CFAP54: variants seen among roughly 807,000 people sequenced by gnomAD.
CFAP54 encodes cilia and flagella associated protein 54, also known as cilia- and flagella-associated protein 54.
A neutral mutation model predicts 370.4 loss-of-function variants in CFAP54; 290 were observed. The ratio of observed to expected loss-of-function variants is 0.78; its 90% CI spans 0.71 to 0.86. The LOEUF is 0.86. CFAP54 is among the 40% of genes least tolerant of loss of function. CFAP54 has a pLI of 0.00. For synonymous variants in CFAP54, 1,206 were observed against 1,236.5 expected (o/e 0.98, Z 0.52); for missense variants, 3,399 against 3,528.7 (o/e 0.96, Z 0.93).
At position 96,589,701 on chromosome 12, in the gene CFAP54, G is replaced by T. The variant is rs571727793; in HGVS notation, c.3212+138G>T. 12 of 612,004 alleles carry T rather than the reference G, an allele frequency of 2.0e-5. No homozygotes were observed. The South Asian group carries it at 2.3e-4, about 12-fold the overall frequency. 37.9% of individuals were successfully genotyped at this position (612,004 alleles called of 1,614,324 possible). ...TCATTTCTAATAACTATTGTAATAA[G>T]AGTATGCATTGCAAGGTCTCATGTG... On this transcript the variant is annotated intron_variant, in intron 23 of 67. Transcript: ENST00000524981.
At chr12:96,510,065 C>G (rs1460735202) in intron 4 of CFAP54, among the ~76,000 whole-genome samples, 1 of 151,322 alleles carries the variant, frequency 6.6e-6, no homozygotes, top group Non-Finnish European at 1.5e-5. Flanking sequence ...CCAGCCTGGC[C>G]AACGTAGTGA....
At chr12:96,765,991 T>C (rs1252980428) in intron 60 of CFAP54, among the ~76,000 whole-genome samples, 1 of 152,210 alleles carries the variant, frequency 6.6e-6, no homozygotes, top group Non-Finnish European at 1.5e-5. Flanking sequence ...ACACTAGTCT[T>C]ACTTCCAGAC....
intron 64 of CFAP54, among the ~76,000 whole-genome samples, chr12:96,814,239 G>C (rs765800402): frequency 1.3e-5 from 2 of 152,200 alleles, no homozygotes; most frequent in Non-Finnish European, 2.9e-5. Flanking sequence ...CTAGGTATTG[G>C]AATAAAAGAA....
intron 50 of CFAP54, among the ~76,000 whole-genome samples, chr12:96,727,864 C>A (rs1957862758): frequency 6.6e-6 from 1 of 151,500 alleles, no homozygotes; most frequent in African/African-American, 2.4e-5. Flanking sequence ...TCTTTTAGGG[C>A]AGGCCTGGTG....
chr12:96,689,039 TA>T (rs1053478657), intron 43 of CFAP54, 57 bp downstream of exon 43: 36 of 1,096,612 alleles, frequency 3.3e-5, no homozygotes, highest in African/African-American at 1.6e-4. Flanking sequence ...ATTGGATCAG[TA>T]AAAAAAAGTT....
chr12:96,554,909 G>C (rs966974766), intron 17 of CFAP54, 107 bp downstream of exon 17: 38 of 1,126,550 alleles, frequency 3.4e-5, no homozygotes, highest in Non-Finnish European at 4.1e-5. Context: ...TAAGTTTTCA[G>C]ATAAATTTCA....
chr12:96,556,057 G>A (rs1334245552), intron 17 of CFAP54, among the ~76,000 whole-genome samples: 1 of 151,734 alleles, frequency 6.6e-6, no homozygotes, highest in Non-Finnish European at 1.5e-5. Flanking sequence ...TATCCATATG[G>A]ATAAAACCAA....
Position 96,582,586 on chromosome 12 carries a change from A to G in CFAP54, c.3075+1481A>G, listed in dbSNP as rs536673423. On this transcript the variant is annotated intron_variant, in intron 22 of 67. Coordinates refer to ENST00000524981, the MANE Select transcript of CFAP54 (RefSeq NM_001306084.2). The stretch of plus-strand genomic sequence containing the variant: ...TGTTTTGGTATCTTTGGAATCTAAT[A>G]TATTCCCTAATTTGCAGTGATGGAG... Among the ~76,000 whole-genome samples, 15 of 152,294 alleles carry G rather than the reference A, an allele frequency of 9.8e-5. No homozygotes were observed. In the East Asian group the frequency reaches 2.9e-3, roughly 29 times the overall value.
At chr12:96,653,856 T>C (rs1337985478) in intron 36 of CFAP54, among the ~76,000 whole-genome samples, 1 of 151,878 alleles carries the variant, frequency 6.6e-6, no homozygotes, top group Non-Finnish European at 1.5e-5. Flanking sequence ...TCTAGTATAC[T>C]CATAGAAATA....
At chr12:96,867,465 C>T (rs1960034368) in intron 67 of CFAP54, among the ~76,000 whole-genome samples, 1 of 152,136 alleles carries the variant, frequency 6.6e-6, no homozygotes, top group African/African-American at 2.4e-5. Context: ...GTGTTCATTG[C>T]AGCATTACTC....
At chr12:96,551,434 A>C (rs528439385) in intron 15 of CFAP54, among the ~76,000 whole-genome samples, 1 of 151,254 alleles carries the variant, frequency 6.6e-6, no homozygotes, top group Non-Finnish European at 1.5e-5. Flanking sequence ...TTGAATTTAC[A>C]CTACTTGGGT....
chr12:96,853,494 C>T (rs1959611815), intron 66 of CFAP54, among the ~76,000 whole-genome samples: 1 of 152,074 alleles, frequency 6.6e-6, no homozygotes, highest in Non-Finnish European at 1.5e-5. Context: ...GCAAGTTGCA[C>T]ATTTATGACT....
At chr12:96,535,949 G>A (rs1955497738) in intron 12 of CFAP54, among the ~76,000 whole-genome samples, 1 of 152,136 alleles carries the variant, frequency 6.6e-6, no homozygotes, top group Non-Finnish European at 1.5e-5. Context: ...GCACACAATG[G>A]CCAGTATTTT....
chr12:96,626,392 CAA>C (rs1396952837), intron 29 of CFAP54, among the ~76,000 whole-genome samples: 2 of 103,678 alleles, frequency 1.9e-5, no homozygotes, highest in Admixed American at 9.6e-5. Flanking sequence ...TCTCAAAAAA[CAA>C]AAAAAAAAAA....
At chr12:96,824,466 A>G (rs1260215234) in intron 65 of CFAP54, among the ~76,000 whole-genome samples, 2 of 152,202 alleles carry the variant, frequency 1.3e-5, no homozygotes, top group Admixed American at 6.5e-5. Context: ...AATCCTTACA[A>G]TAACCCATCA....
At chr12:96,581,435 C>T (rs759218584) in intron 22 of CFAP54, among the ~76,000 whole-genome samples, 2 of 152,094 alleles carry the variant, frequency 1.3e-5, no homozygotes, top group Non-Finnish European at 2.9e-5. Context: ...AGTTCTTACC[C>T]TGGGGCAATT....
intron 41 of CFAP54, 38 bp from the exon 42 acceptor site, chr12:96,684,991 C>T: frequency 6.3e-7 from 1 of 1,595,904 alleles, no homozygotes; most frequent in Non-Finnish European, 8.6e-7. Context: ...TAATGGGTCT[C>T]AGAAAACTTA....
At chr12:96,497,394 G>C (rs543340827) in intron 1 of CFAP54, among the ~76,000 whole-genome samples, 1 of 152,316 alleles carries the variant, frequency 6.6e-6, no homozygotes, top group East Asian at 1.9e-4. Flanking sequence ...TTACTATAAA[G>C]CTACAGTATT....
intron 22 of CFAP54, among the ~76,000 whole-genome samples, chr12:96,587,303 G>T (rs937993979): frequency 1.2e-4 from 18 of 152,122 alleles, no homozygotes; most frequent in African/African-American, 4.3e-4. Context: ...AGACAGAAAA[G>T]AGGAGCAGTT....
Sources: gnomAD v4.1 joint callset for allele counts (sites outside exome capture counted in the v4.1 genomes callset) on GRCh38, gnomAD v4.1.1 for gene constraint, MANE v1.5 for transcripts, NCBI Gene and HGNC (gene_info 2026-07-23, HGNC 2026-07-21) for gene names.